ADAMTSL1: variants seen among roughly 807,000 people sequenced by gnomAD.
The protein encoded by ADAMTSL1 is ADAMTS-like protein 1.
Under a neutral mutation model 201.8 loss-of-function variants are expected in ADAMTSL1, and 126 were observed. That is an observed-to-expected ratio of 0.62 (90% confidence interval 0.54 to 0.72). The LOEUF (loss-of-function observed/expected upper bound fraction) is 0.72. ADAMTSL1 is among the 30% of genes least tolerant of loss of function. ADAMTSL1 has a pLI of 0.00. For missense variants in ADAMTSL1, 2,679 were observed against 2,277.8 expected, an observed-to-expected ratio of 1.18 and a Z score of -3.59; for synonymous variants, 1,121 against 903.4, an observed-to-expected ratio of 1.24 and a Z score of -4.32.
chr9:17,908,253 C>G (rs940048217), intron 1 of ADAMTSL1, among the ~76,000 whole-genome samples: 1 of 152,134 alleles, frequency 6.6e-6, no homozygotes, highest in Non-Finnish European at 1.5e-5. Context: ...CGTTCCTTGT[C>G]AGGGCTTCCC....
chr9:18,580,343 TGAATA>T (rs1823020771), intron 4 of ADAMTSL1, among the ~76,000 whole-genome samples: 1 of 152,168 alleles, frequency 6.6e-6, no homozygotes, highest in Non-Finnish European at 1.5e-5. Flanking sequence ...TGAAATGAAT[TGAATA>T]GAATGATTAT....
chr9:17,957,587 C>A (rs990618255), intron 1 of ADAMTSL1, among the ~76,000 whole-genome samples: 1 of 152,156 alleles, frequency 6.6e-6, no homozygotes, highest in African/African-American at 2.4e-5. Flanking sequence ...CAGGTGGGAC[C>A]TTTGTTCCCC....
intron 1 of ADAMTSL1, among the ~76,000 whole-genome samples, chr9:18,072,474 C>T (rs1017588615): frequency 2.0e-5 from 3 of 152,184 alleles, no homozygotes; most frequent in African/African-American, 7.2e-5. Context: ...TTGACCTAGT[C>T]TTCAAACCAA....
intron 2 of ADAMTSL1, among the ~76,000 whole-genome samples, chr9:18,247,991 G>A (rs770681545): frequency 1.3e-5 from 2 of 152,062 alleles, no homozygotes; most frequent in Non-Finnish European, 2.9e-5. Context: ...CACGGACTGG[G>A]GAAGACATTC....
At chr9:18,717,508 A>T (rs1587972483) in intron 14 of ADAMTSL1, among the ~76,000 whole-genome samples, 2 of 152,108 alleles carry the variant, frequency 1.3e-5, no homozygotes, top group East Asian at 3.8e-4. Flanking sequence ...AAAAAATTAC[A>T]ATAAGCTACA....
At chr9:17,980,246 G>C (rs67216072) in intron 1 of ADAMTSL1, among the ~76,000 whole-genome samples, 3,802 of 152,140 alleles carry the variant, frequency 0.025, 48 homozygotes, top group Middle Eastern at 0.071. Context: ...CTTGCAGATA[G>C]TTGTTCAAAT....
chr9:18,000,889 T>G (rs953892061), intron 1 of ADAMTSL1, among the ~76,000 whole-genome samples: 2 of 152,040 alleles, frequency 1.3e-5, no homozygotes, highest in African/African-American at 4.8e-5. Context: ...ACTTGGCCTT[T>G]GTATCACATT....
chr9:18,294,172 G>T lies in ADAMTSL1; in HGVS notation c.207+130191G>T, dbSNP rs536950695. Among the ~76,000 whole-genome samples, 4 of 152,240 alleles carry T rather than the reference G, an allele frequency of 2.6e-5. No homozygotes were observed. The East Asian group carries it at 5.8e-4, about 22-fold the overall frequency. On this transcript the variant is annotated intron_variant, in intron 2 of 29. Coordinates refer to the ADAMTSL1 transcript ENST00000680146. Reference sequence around the variant, plus strand: ...AACCTAAAATTTCACGCCAAAAATCGTCTGATTCCCAGGTTGATGTGGAGT... The same window carrying T: ...AACCTAAAATTTCACGCCAAAAATCTTCTGATTCCCAGGTTGATGTGGAGT...
At chr9:17,933,612 A>C (rs930441647) in intron 1 of ADAMTSL1, among the ~76,000 whole-genome samples, 5 of 152,202 alleles carry the variant, frequency 3.3e-5, no homozygotes, top group African/African-American at 1.2e-4. Context: ...ACAGTTCTGC[A>C]GGAACTATAG....
At chr9:18,587,441 T>A (rs1823580812) in intron 4 of ADAMTSL1, among the ~76,000 whole-genome samples, 1 of 152,102 alleles carries the variant, frequency 6.6e-6, no homozygotes, top group Admixed American at 6.5e-5. Context: ...AAATCAGAGT[T>A]ACTGGGGTAT....
At chr9:18,073,304 G>A (rs1823046566) in intron 1 of ADAMTSL1, among the ~76,000 whole-genome samples, 1 of 152,160 alleles carries the variant, frequency 6.6e-6, no homozygotes, top group South Asian at 2.1e-4. Flanking sequence ...TTCAGCCTGT[G>A]TGAATGCCTA....
At chr9:18,538,512 G>A (rs1375400744) in intron 3 of ADAMTSL1, among the ~76,000 whole-genome samples, 1 of 151,998 alleles carries the variant, frequency 6.6e-6, no homozygotes, top group Admixed American at 6.6e-5. Context: ...TACTAGATTT[G>A]GATCTGAATG....
At chr9:18,026,460 A>G (rs1360550935) in intron 1 of ADAMTSL1, among the ~76,000 whole-genome samples, 1 of 152,068 alleles carries the variant, frequency 6.6e-6, no homozygotes, top group Admixed American at 6.6e-5. Flanking sequence ...GTCTATTGAG[A>G]TGATAATGTG....
intron 2 of ADAMTSL1, among the ~76,000 whole-genome samples, chr9:18,457,061 CTGTT>C: frequency 6.6e-6 from 1 of 152,274 alleles, no homozygotes; most frequent in South Asian, 2.1e-4. Flanking sequence ...GTTTCATCAT[CTGTT>C]TATCATTTTG....
chr9:18,808,599 T>C (rs374141688), intron 20 of ADAMTSL1, among the ~76,000 whole-genome samples: 65 of 152,340 alleles, frequency 4.3e-4, no homozygotes, highest in African/African-American at 1.5e-3. Context: ...AAAATTCCTG[T>C]AGGAAAAATA....
intron 23 of ADAMTSL1, 101 bp downstream of exon 23, chr9:18,830,078 T>C: frequency 6.9e-7 from 1 of 1,458,158 alleles, no homozygotes; most frequent in Non-Finnish European, 9.2e-7. Flanking sequence ...CAGTCGGGGG[T>C]GGCCAACAGG....
At chr9:18,310,662 C>T (rs1356834928) in intron 2 of ADAMTSL1, among the ~76,000 whole-genome samples, 1 of 152,138 alleles carries the variant, frequency 6.6e-6, no homozygotes, top group Non-Finnish European at 1.5e-5. Context: ...GAGATACCAT[C>T]TCACGCCAGT....
At chr9:18,138,867 C>T (rs1299866509) in intron 1 of ADAMTSL1, among the ~76,000 whole-genome samples, 2 of 152,074 alleles carry the variant, frequency 1.3e-5, no homozygotes, top group African/African-American at 4.8e-5. Flanking sequence ...TGGATTGCAC[C>T]ATAGCCATAA....
At chr9:18,843,563 T>C (rs1825874805) in intron 23 of ADAMTSL1, among the ~76,000 whole-genome samples, 1 of 150,622 alleles carries the variant, frequency 6.6e-6, no homozygotes, top group African/African-American at 2.5e-5. Context: ...CTGTATTTCC[T>C]GAATCTGAAT....
Sources: gnomAD v4.1 joint callset for allele counts (sites outside exome capture counted in the v4.1 genomes callset) on GRCh38, gnomAD v4.1.1 for gene constraint, MANE v1.5 for transcripts, NCBI Gene and HGNC (gene_info 2026-07-23, HGNC 2026-07-21) for gene names.